Variants in UBA2 observed in about 807,000 individuals in gnomAD.
UBA2 encodes SUMO-activating enzyme subunit 2.
In UBA2, 11 loss-of-function variants were observed where a neutral mutation model predicts 77.2. The observed-to-expected ratio is 0.14, with a 90% CI of 0.09 to 0.24. The LOEUF (loss-of-function observed/expected upper bound fraction) is 0.24. Ranked by LOEUF, UBA2 falls within the 10% of genes least tolerant of loss-of-function variation. The pLI is 1.00. For synonymous variants in UBA2, 278 were observed against 276.7 expected (o/e 1.00, Z -0.05); for missense variants, 487 against 781.7 (o/e 0.62, Z 4.50).
chr19:34,466,217 C>G (rs1276423550), intron 15 of UBA2, among the ~76,000 whole-genome samples: 1 of 152,100 alleles, frequency 6.6e-6, no homozygotes, highest in East Asian at 1.9e-4. Flanking sequence ...GCCTATAGTC[C>G]CAGCTGCTTG....
In UBA2 at chr19:34,431,778, G is replaced by A. The variant is rs796689375; in HGVS notation, c.223-83G>A. 1.7e-5 allele frequency: 20 copies of A among 1,210,038 alleles called. No homozygotes were observed. The African/African-American group carries it at 3.0e-4, about 18-fold the overall frequency. The allele number at this position is 1,210,038 out of a possible 1,614,324, so 75.0% of individuals were successfully genotyped here. ...ATATAAATAAGGTACTATGTAAGTA[G>A]ATAACAGCATTGTGGCTTCCAGAAG... On this transcript the variant is annotated intron_variant, in intron 2 of 16. Transcript: ENST00000246548.
intron 5 of UBA2, 33 bp downstream of exon 5, chr19:34,435,001 A>G: frequency 7.0e-7 from 1 of 1,432,934 alleles, no homozygotes; most frequent in Non-Finnish European, 9.6e-7. Flanking sequence ...TAACTTCCCA[A>G]ATATTTATTT....
At chr19:34,450,415 G>T (rs766891906) in intron 9 of UBA2, 51 bp downstream of exon 9, 1 of 1,340,908 alleles carries the variant, frequency 7.5e-7, no homozygotes, top group South Asian at 1.3e-5. Context: ...ATATCCTCGC[G>T]TAAAGTCTTT....
chr19:34,443,607 A>C (rs967991120), intron 6 of UBA2, among the ~76,000 whole-genome samples: 1 of 151,786 alleles, frequency 6.6e-6, no homozygotes, highest in African/African-American at 2.4e-5. Context: ...ACGCCTGGCT[A>C]ATTTTTATAT....
chr19:34,467,036 A>T, intron 16 of UBA2, 22 bp downstream of exon 16: 1 of 1,605,594 alleles, frequency 6.2e-7, no homozygotes, highest in Non-Finnish European at 8.5e-7. Context: ...CCCAGCCAGC[A>T]GGTTGTTAAA....
intron 6 of UBA2, among the ~76,000 whole-genome samples, chr19:34,439,100 C>T (rs562299538): frequency 2.6e-5 from 4 of 151,220 alleles, no homozygotes; most frequent in South Asian, 2.1e-4. Flanking sequence ...CCCAGCTACT[C>T]GGGAGGCTGA....
rs543640507 is a variant in UBA2 at position 34,438,950 on chromosome 19, T to C, written c.581+184T>C. ...CTGGCCGGGTGCGGTGGCTCACACC[T>C]GTAATCCCGGCACTTTGGGAAACTG... On this transcript the variant is annotated intron_variant, in intron 6 of 16. Coordinates refer to ENST00000246548, the MANE Select transcript of UBA2 (RefSeq NM_005499.3). Among the ~76,000 whole-genome samples the C allele has an allele frequency of 2.0e-5, 3 of 152,318 alleles. No homozygotes were observed. In the East Asian group the frequency reaches 5.8e-4, roughly 29 times the overall value.
chr19:34,450,956 A>G (rs2075488156), intron 9 of UBA2, among the ~76,000 whole-genome samples: 3 of 151,930 alleles, frequency 2.0e-5, no homozygotes, highest in Admixed American at 2.0e-4. Flanking sequence ...GATTTAATCT[A>G]GAAACACATT....
intron 9 of UBA2, among the ~76,000 whole-genome samples, chr19:34,451,552 T>G (rs957583703): frequency 1.1e-3 from 150 of 133,338 alleles, no homozygotes; most frequent in African/African-American, 4.0e-3. Context: ...TTTTTTTTTT[T>G]TTTTTTTTTT....
In UBA2 at chr19:34,429,219, A is replaced by G. The variant is rs945913958; in HGVS notation, c.138+649A>G. 6.1e-6 allele frequency: 6 copies of G among 982,862 alleles called. No individual in the cohort carries two copies. The South Asian group carries it at 1.9e-4, about 31-fold the overall frequency. 60.9% of individuals were successfully genotyped at this position (982,862 alleles called of 1,614,324 possible). On this transcript the variant is annotated intron_variant, in intron 1 of 16. Coordinates refer to ENST00000246548, the MANE Select transcript of UBA2 (RefSeq NM_005499.3). ...GCGTGACTGTCATTGCTCTCACAGT[A>G]GACGGTACACTCGCTTGTTTCATTA... is the stretch of plus-strand genomic sequence containing the variant.
rs1471690146 is a variant in UBA2, at chr19:34,469,220, G to A, written c.1922G>A (p.Ter641=). 2 of 1,573,594 alleles carry A rather than the reference G, an allele frequency of 1.3e-6. No individual in the cohort carries two copies. Among genetic ancestry groups the A allele is most frequent in the Non-Finnish European group, 1.7e-6 (2 of 1,163,968 alleles). The change falls in exon 17 of 17, where the codon TGA becomes TAA. Residue 641 remains the stop codon, a stop_retained_variant. Transcript: ENST00000246548. ...CTTGATGATGTCATAGCATTAGATT[G>A]AACAGAAATGCCTCTAAACAGAACC... ...EELDDVIALD[*]
intron 8 of UBA2, among the ~76,000 whole-genome samples, chr19:34,447,967 CAT>C (rs955825855): frequency 2.0e-5 from 3 of 152,162 alleles, no homozygotes; most frequent in African/African-American, 7.2e-5. Flanking sequence ...GGAAAACTGA[CAT>C]AAATCCCATT....
intron 14 of UBA2, among the ~76,000 whole-genome samples, chr19:34,463,066 C>G (rs1413898336): frequency 6.7e-6 from 1 of 150,284 alleles, no homozygotes; most frequent in Non-Finnish European, 1.5e-5. Flanking sequence ...CACTGCACTC[C>G]AGCCTGGACA....
intron 4 of UBA2, among the ~76,000 whole-genome samples, chr19:34,434,285 A>G (rs937514972): frequency 6.6e-6 from 1 of 151,796 alleles, no homozygotes; most frequent in Non-Finnish European, 1.5e-5. Context: ...TAATTTTTTT[A>G]TGTTTATTTT....
chr19:34,436,877 T>A (rs2075314494), intron 5 of UBA2, among the ~76,000 whole-genome samples: 1 of 152,240 alleles, frequency 6.6e-6, no homozygotes, highest in Non-Finnish European at 1.5e-5. Context: ...AAGACTGTTG[T>A]GTATGTCAGT....
chr19:34,465,809 A>G (rs1460676189), intron 15 of UBA2, among the ~76,000 whole-genome samples: 1 of 152,202 alleles, frequency 6.6e-6, no homozygotes, highest in Middle Eastern at 3.2e-3. Flanking sequence ...TGTACAATAA[A>G]GTGGAAATAC....
chr19:34,460,592 CCT>C, intron 14 of UBA2, 26 bp downstream of exon 14: 11 of 1,513,322 alleles, frequency 7.3e-6, no homozygotes, highest in Non-Finnish European at 9.9e-6. Context: ...TTTATTCATT[CCT>C]CTCATTGAGG....
At position 34,470,052 on chromosome 19, in the gene UBA2, C is replaced by G. The variant is rs2075723711; in HGVS notation, c.*831C>G. The G allele has an allele frequency of 6.8e-6, 1 of 147,698 alleles. No individual in the cohort carries two copies. Among genetic ancestry groups the G allele is most frequent in the Non-Finnish European group, 1.5e-5 (1 of 67,434 alleles). 9.1% of individuals were successfully genotyped at this position (147,698 alleles called of 1,614,324 possible). ...GGTGGATCACCTGAGGTCAGTAGTT[C>G]AAGACCAACCTGGTCAACATGGTGA... On this transcript the variant is annotated 3_prime_UTR_variant, in exon 17 of 17. Coordinates refer to ENST00000246548, the MANE Select transcript of UBA2 (RefSeq NM_005499.3).
chr19:34,449,510 T>C (rs1473507275), intron 8 of UBA2, among the ~76,000 whole-genome samples: 1 of 152,250 alleles, frequency 6.6e-6, no homozygotes, highest in East Asian at 1.9e-4. Flanking sequence ...GGCTGTGATT[T>C]TTAAATATAG....
Sources: allele counts gnomAD v4.1 joint callset (sites outside exome capture counted in the v4.1 genomes callset), GRCh38; gene constraint gnomAD v4.1.1; transcripts MANE v1.5; gene names NCBI Gene and HGNC (gene_info 2026-07-23, HGNC 2026-07-21).